The following TMEM123 variants were observed in gnomAD, a reference collection of about 807,000 sequenced individuals.
The protein encoded by TMEM123 is porimin.
In TMEM123, 16 loss-of-function variants were observed where a neutral mutation model predicts 19.7. The observed-to-expected ratio is 0.81, with a 90% CI of 0.55 to 1.23. TMEM123 has a LOEUF of 1.23. Among genes scored for constraint, TMEM123 ranks in the 50% most tolerant of loss-of-function variants. The pLI, the probability that TMEM123 is intolerant of heterozygous loss-of-function variation, is 0.00. For synonymous variants in TMEM123, 118 were observed against 99.4 expected, an observed-to-expected ratio of 1.19 and a Z score of -1.12; for missense variants, 313 against 257.8, an observed-to-expected ratio of 1.21 and a Z score of -1.47.
chr11:102,446,912 A>G (rs1176511774), intron 2 of TMEM123, among the ~76,000 whole-genome samples: 3 of 152,350 alleles, frequency 2.0e-5, no homozygotes, highest in Non-Finnish European at 4.4e-5. Context: ...CACTAAATAA[A>G]TAGCACCAAA....
chr11:102,426,859 T>TTCCC (rs1491364770), intron 2 of TMEM123, among the ~76,000 whole-genome samples: 5 of 4,136 alleles, frequency 1.2e-3, no homozygotes, highest in Admixed American at 6.0e-3. Flanking sequence ...TTAAAGTAGT[T>TTCCC]CCCCCCCCCC....
chr11:102,402,924 T>TG (rs1162522686), intron 2 of TMEM123, among the ~76,000 whole-genome samples: 87 of 152,364 alleles, frequency 5.7e-4, no homozygotes, highest in African/African-American at 2.0e-3. Flanking sequence ...ACAATACCTT[T>TG]GCTCATACCT....
chr11:102,401,743 A>C (rs1410625765), intron 3 of TMEM123, 51 bp from the exon 4 acceptor site: 1 of 1,468,808 alleles, frequency 6.8e-7, no homozygotes, highest in Non-Finnish European at 9.1e-7. Context: ...TTTTTTTTTT[A>C]ACATTGTAAT....
intron 2 of TMEM123, among the ~76,000 whole-genome samples, chr11:102,417,772 T>C (rs190162417): frequency 5.9e-5 from 9 of 152,182 alleles, no homozygotes; most frequent in Admixed American, 4.6e-4. Flanking sequence ...CAAAACAGCA[T>C]GGTATCGGTA....
chr11:102,425,385 A>C (rs1456971859), intron 2 of TMEM123, among the ~76,000 whole-genome samples: 1 of 152,166 alleles, frequency 6.6e-6, no homozygotes, highest in Non-Finnish European at 1.5e-5. Context: ...TGTGCAAATA[A>C]TAAAGATGGT....
At chr11:102,434,228 C>T (rs1461851318) in intron 2 of TMEM123, among the ~76,000 whole-genome samples, 5 of 151,838 alleles carry the variant, frequency 3.3e-5, no homozygotes, top group Admixed American at 2.0e-4. Context: ...AAGGGTCCCC[C>T]TTGTCCACAT....
rs907608593 is a variant in TMEM123, at chr11:102,396,404, A to T, written c.*2463T>A. 1.3e-5 allele frequency: 2 copies of T among 152,240 alleles called. No individual in the cohort carries two copies. Among genetic ancestry groups the T allele is most frequent in the African/African-American group, 4.8e-5 (2 of 41,452 alleles). The allele number at this position is 152,240 out of a possible 1,614,324, so 9.4% of individuals were successfully genotyped here. A position where few individuals can be genotyped will look rare whatever the true frequency, so the allele number is the denominator to read the frequency against. On this transcript the variant is annotated 3_prime_UTR_variant, in exon 5 of 5. Transcript: ENST00000398136. ...TGAAATACCAAAAGCTGGTCATTAT[A>T]ATAAAAAGAAAAGAAGAGTTTAACT...
chr11:102,422,377 G>A (rs930753150), intron 2 of TMEM123, among the ~76,000 whole-genome samples: 1 of 152,180 alleles, frequency 6.6e-6, no homozygotes, highest in Non-Finnish European at 1.5e-5. Flanking sequence ...GGGAGGCTGA[G>A]GCAGGAGAAT....
intron 4 of TMEM123, among the ~76,000 whole-genome samples, chr11:102,400,170 T>C (rs1032124000): frequency 1.3e-5 from 2 of 152,348 alleles, no homozygotes; most frequent in African/African-American, 4.8e-5. Context: ...ATATGTAGTG[T>C]CAAAACTGGA....
chr11:102,401,155 T>C (rs1951909048), intron 4 of TMEM123, among the ~76,000 whole-genome samples: 1 of 152,130 alleles, frequency 6.6e-6, no homozygotes. Flanking sequence ...ACAAAAGCCA[T>C]GGTTTTACCA....
chr11:102,428,446 T>A (rs1952147586), intron 2 of TMEM123, among the ~76,000 whole-genome samples: 1 of 151,048 alleles, frequency 6.6e-6, no homozygotes. Flanking sequence ...GGATTACAGG[T>A]GCCTGCCACC....
chr11:102,425,709 G>A (rs1037226882), intron 2 of TMEM123, among the ~76,000 whole-genome samples: 3 of 150,348 alleles, frequency 2.0e-5, no homozygotes, highest in Admixed American at 6.7e-5. Flanking sequence ...TCACCCACCC[G>A]AGAAGCTGAG....
In TMEM123 at chr11:102,400,123, A is replaced by G. The variant is rs1424395802; in HGVS notation, c.603-1232T>C. Among the ~76,000 whole-genome samples, 7 of 152,336 alleles carry G rather than the reference A, an allele frequency of 4.6e-5. No individual in the cohort carries two copies. The South Asian group carries it at 1.0e-3, about 23-fold the overall frequency. On this transcript the variant is annotated intron_variant, in intron 4 of 4. Coordinates refer to ENST00000398136, the MANE Select transcript of TMEM123 (RefSeq NM_052932.3). ...GGAAACTTCCATGTTCTTAAAATCT[A>G]TCAAGAAGTTTGATTTACTTTTATG...
chr11:102,430,094 A>G (rs1565353134), intron 2 of TMEM123, among the ~76,000 whole-genome samples: 2 of 152,278 alleles, frequency 1.3e-5, no homozygotes, highest in East Asian at 3.9e-4. Flanking sequence ...GATGGGCTTC[A>G]TCTTTATGGA....
intron 2 of TMEM123, among the ~76,000 whole-genome samples, chr11:102,447,393 G>A (rs1370169245): frequency 6.6e-6 from 1 of 152,126 alleles, no homozygotes; most frequent in East Asian, 1.9e-4. Context: ...GTGATCTTGG[G>A]CATTTCCTAA....
At chr11:102,402,448 GA>G (rs932197923) in intron 2 of TMEM123, among the ~76,000 whole-genome samples, 17 of 143,472 alleles carry the variant, frequency 1.2e-4, no homozygotes, top group East Asian at 4.0e-4. Flanking sequence ...AAGATATGAA[GA>G]AAAAAAAAAA....
chr11:102,443,713 A>C (rs1857851515), intron 2 of TMEM123, among the ~76,000 whole-genome samples: 1 of 152,218 alleles, frequency 6.6e-6, no homozygotes, highest in South Asian at 2.1e-4. Flanking sequence ...AATTAAACTG[A>C]AGAGCTTTTG....
At chr11:102,432,052 T>C (rs925023893) in intron 2 of TMEM123, among the ~76,000 whole-genome samples, 1 of 152,224 alleles carries the variant, frequency 6.6e-6, no homozygotes, top group Non-Finnish European at 1.5e-5. Flanking sequence ...TGGGTATTTC[T>C]TCAAAGCAGT....
intron 2 of TMEM123, among the ~76,000 whole-genome samples, chr11:102,426,663 C>A (rs1479756005): frequency 2.0e-4 from 31 of 152,070 alleles, no homozygotes; most frequent in Admixed American, 2.0e-3. Flanking sequence ...CTTAAAGAGG[C>A]TGCTATGTAA....
Sources: gnomAD v4.1 joint callset for allele counts (sites outside exome capture counted in the v4.1 genomes callset) on GRCh38, gnomAD v4.1.1 for gene constraint, MANE v1.5 for transcripts, NCBI Gene and HGNC (gene_info 2026-07-23, HGNC 2026-07-21) for gene names.